The following CAMK4 variants were observed in gnomAD, a reference collection of about 807,000 sequenced individuals.
CAMK4 encodes calcium/calmodulin dependent protein kinase IV.
CAMK4 carries 22 observed loss-of-function variants against 44.9 expected under a neutral mutation model. That is an observed-to-expected ratio of 0.49 (90% CI 0.35 to 0.70). CAMK4 has a LOEUF of 0.70. CAMK4 is among the 30% of genes least tolerant of loss of function. The pLI is 0.01. For synonymous variants in CAMK4, 218 were observed against 215.4 expected (o/e 1.01, Z -0.11); for missense variants, 498 against 586.8 (o/e 0.85, Z 1.56).
In CAMK4 at chr5:111,493,969, A is replaced by G. The variant is rs941393001; in HGVS notation, c.*9503A>G. The G allele has an allele frequency of 6.6e-6, 1 of 152,178 alleles. No individual in the cohort carries two copies. Among genetic ancestry groups the G allele is most frequent in the Non-Finnish European group, 1.5e-5 (1 of 68,018 alleles). The allele number at this position is 152,178 out of a possible 1,614,324, so 9.4% of individuals were successfully genotyped here. ...AATCGTAAGTTAGCAGACATTGAGA[A>G]AGGAAAACTTCCTACTTGGGCTTTT... On this transcript the variant is annotated 3_prime_UTR_variant, in exon 11 of 11. Coordinates refer to ENST00000282356, the MANE Select transcript of CAMK4 (RefSeq NM_001744.6). The surrounding 1 kb of genome is among the most constrained non-coding windows in gnomAD (Gnocchi z 4.1).
intron 2 of CAMK4, chr5:111,357,877 C>G (rs760769252): frequency 2.6e-5 from 4 of 151,960 alleles, no homozygotes; most frequent in Non-Finnish European, 5.9e-5. Context: ...TTATGAGAGT[C>G]TTAGAGAAGT....
At chr5:111,449,047 T>C in intron 6 of CAMK4, 82 bp from the exon 7 acceptor site, 1 of 636,614 alleles carries the variant, frequency 1.6e-6, no homozygotes, top group South Asian at 2.2e-5. Context: ...ATAAATAAGT[T>C]AGTTTTATTT....
At chr5:111,391,382 G>A (rs1046729744) in intron 4 of CAMK4, among the ~76,000 whole-genome samples, 3 of 152,060 alleles carry the variant, frequency 2.0e-5, no homozygotes, top group South Asian at 2.1e-4. Context: ...AAAAATGGAC[G>A]GCAACAGAAA....
chr5:111,277,323 A>G (rs1750809346), intron 1 of CAMK4, among the ~76,000 whole-genome samples: 1 of 152,184 alleles, frequency 6.6e-6, no homozygotes, highest in South Asian at 2.1e-4. Flanking sequence ...TTGGCTAAAA[A>G]ATATCCATTG....
chr5:111,420,874 A>G (rs1346013179), intron 5 of CAMK4, among the ~76,000 whole-genome samples: 1 of 152,148 alleles, frequency 6.6e-6, no homozygotes, highest in Admixed American at 6.5e-5. Flanking sequence ...CCCAGATTTC[A>G]TATTGCTCAA....
rs306080 is a variant in CAMK4, at chr5:111,319,681, G to C, written c.162-24343G>C. 8.5e-3 allele frequency among the ~76,000 whole-genome samples: 1,289 copies of C among 152,248 alleles called. 17 individuals are homozygous for C. The highest frequency in any genetic ancestry group is 0.03 in the African/African-American group (1,241 of 41,544). ...AGATACATTAAAAATCATGGGGACT[G>C]TTGGGATCCCTGATACAATGTAGAA... is the stretch of plus-strand genomic sequence containing the variant. On this transcript the variant is annotated intron_variant, in intron 1 of 10. Coordinates refer to ENST00000282356, the MANE Select transcript of CAMK4 (RefSeq NM_001744.6).
intron 5 of CAMK4, among the ~76,000 whole-genome samples, chr5:111,399,203 G>A (rs1343167800): frequency 6.6e-6 from 1 of 152,094 alleles, no homozygotes; most frequent in East Asian, 1.9e-4. Flanking sequence ...CTTGTTTTCC[G>A]ACCCTTAGAA....
At chr5:111,396,058 A>C (rs1298575261) in intron 5 of CAMK4, among the ~76,000 whole-genome samples, 1 of 152,146 alleles carries the variant, frequency 6.6e-6, no homozygotes, top group Non-Finnish European at 1.5e-5. Flanking sequence ...GGAAGAAAAG[A>C]GGAAGGGAGG....
intron 1 of CAMK4, among the ~76,000 whole-genome samples, chr5:111,335,585 A>G (rs1749367089): frequency 6.6e-6 from 1 of 151,400 alleles, no homozygotes; most frequent in South Asian, 2.1e-4. Context: ...CGTGAGGAGC[A>G]TGTTAAGGCC....
intron 2 of CAMK4, among the ~76,000 whole-genome samples, chr5:111,364,165 A>G (rs1230317299): frequency 1.3e-5 from 2 of 149,626 alleles, no homozygotes. Context: ...GTGGGAGGGG[A>G]TGGTAAGGGA....
intron 3 of CAMK4, 105 bp downstream of exon 3, chr5:111,375,017 C>G (rs1002121891): frequency 4.1e-6 from 3 of 740,698 alleles, no homozygotes; most frequent in African/African-American, 3.5e-5. Flanking sequence ...TCTCCCACCA[C>G]TGATAGCTAC....
chr5:111,458,414 G>A (rs904698683), intron 7 of CAMK4, among the ~76,000 whole-genome samples: 6 of 152,086 alleles, frequency 3.9e-5, no homozygotes, highest in Admixed American at 1.3e-4. Flanking sequence ...TGAACAAAGC[G>A]GTTTCTCTGG....
intron 2 of CAMK4, among the ~76,000 whole-genome samples, chr5:111,370,543 A>G (rs1342211805): frequency 6.6e-6 from 1 of 152,184 alleles, no homozygotes; most frequent in Non-Finnish European, 1.5e-5. Context: ...TAGTATAACA[A>G]TCTTAATTTA....
At chr5:111,320,026 A>G (rs1748593619) in intron 1 of CAMK4, among the ~76,000 whole-genome samples, 2 of 152,170 alleles carry the variant, frequency 1.3e-5, no homozygotes, top group South Asian at 4.1e-4. Flanking sequence ...ATAAAAAAGA[A>G]TGTGATTTAT....
At chr5:111,430,982 C>G (rs1753420851) in intron 5 of CAMK4, among the ~76,000 whole-genome samples, 1 of 152,048 alleles carries the variant, frequency 6.6e-6, no homozygotes. Context: ...CCACAAAAGA[C>G]CTAGAATGGC....
chr5:111,273,188 A>G (rs922922190), intron 1 of CAMK4, among the ~76,000 whole-genome samples: 2 of 152,122 alleles, frequency 1.3e-5, no homozygotes, highest in African/African-American at 4.8e-5. Context: ...TACTTTCTAT[A>G]TTTGTTACCA....
chr5:111,473,227 AATTT>A (rs1024215184), intron 7 of CAMK4, 80 bp from the exon 8 acceptor site: 2 of 913,694 alleles, frequency 2.2e-6, no homozygotes, highest in African/African-American at 3.3e-5. Context: ...TGTTTTGATG[AATTT>A]ATTTCTTTCC....
chr5:111,296,022 T>C (rs1177708288), intron 1 of CAMK4, among the ~76,000 whole-genome samples: 1 of 152,240 alleles, frequency 6.6e-6, no homozygotes, highest in East Asian at 1.9e-4. Context: ...CCTAGCTTTT[T>C]CATTTAGAAA....
chr5:111,294,925 T>C (rs758551767), intron 1 of CAMK4, among the ~76,000 whole-genome samples: 1 of 152,220 alleles, frequency 6.6e-6, no homozygotes, highest in Non-Finnish European at 1.5e-5. Context: ...TTTCACTTTT[T>C]AATCCAAAGT....
Sources: allele counts gnomAD v4.1 joint callset (sites outside exome capture counted in the v4.1 genomes callset), GRCh38; gene constraint gnomAD v4.1.1; non-coding constraint Gnocchi (gnomAD v3.1); transcripts MANE v1.5; gene names NCBI Gene and HGNC (gene_info 2026-07-23, HGNC 2026-07-21).